Variants in MYH11 observed in about 807,000 individuals in gnomAD.
MYH11 encodes myosin heavy chain 11, also known as myosin-11.
Under a neutral mutation model 246.6 loss-of-function variants are expected in MYH11, and 80 were observed. That is an observed-to-expected ratio of 0.32 (90% confidence interval 0.27 to 0.39). The LOEUF is 0.39. MYH11 is among the 10% of genes least tolerant of loss of function. MYH11 has a pLI of 1.00. For missense variants in MYH11, 2,158 were observed against 2,546.8 expected (o/e 0.85, Z 3.29); for synonymous variants, 1,071 against 1,015.5 (o/e 1.05, Z -1.04).
At chr16:15,846,628 C>T (rs2044196994) in intron 1 of MYH11, among the ~76,000 whole-genome samples, 2 of 152,062 alleles carry the variant, frequency 1.3e-5, no homozygotes, top group Admixed American at 6.6e-5. Flanking sequence ...ATGGGAGGAC[C>T]ACTTGAGCCC....
At chr16:15,797,489 AT>A (rs1158532427) in intron 4 of MYH11, among the ~76,000 whole-genome samples, 2 of 150,892 alleles carry the variant, frequency 1.3e-5, no homozygotes, top group Admixed American at 1.3e-4. Context: ...GCTATATTTT[AT>A]TTAAATAACC....
At chr16:15,826,756 C>A (rs966298998) in intron 2 of MYH11, among the ~76,000 whole-genome samples, 3 of 151,670 alleles carry the variant, frequency 2.0e-5, no homozygotes, top group Non-Finnish European at 2.9e-5. Context: ...CTTTGGGAGA[C>A]CAAGGAGGGC....
intron 4 of MYH11, among the ~76,000 whole-genome samples, chr16:15,789,516 G>A (rs748365622): frequency 2.4e-4 from 36 of 152,284 alleles, no homozygotes; most frequent in Non-Finnish European, 3.5e-4. Flanking sequence ...GGATTTGAAC[G>A]TAGGTCCACT....
chr16:15,821,477 C>G (rs2043408463), intron 3 of MYH11, among the ~76,000 whole-genome samples: 1 of 152,130 alleles, frequency 6.6e-6, no homozygotes, highest in Non-Finnish European at 1.5e-5. Context: ...ATATTAAAGA[C>G]TTTTTCAAGT....
chr16:15,769,038 C>T (rs7198308), intron 9 of MYH11, among the ~76,000 whole-genome samples: 33,283 of 151,972 alleles, frequency 0.22, 3,891 homozygotes, highest in East Asian at 0.39. Flanking sequence ...CCAGGCCAGG[C>T]ACGGTGGCTC....
intron 8 of MYH11, among the ~76,000 whole-genome samples, chr16:15,774,688 C>T (rs533767480): frequency 6.6e-6 from 1 of 152,336 alleles, no homozygotes; most frequent in South Asian, 2.1e-4. Flanking sequence ...CTTCTAGGTT[C>T]AAGTGATTCT....
In MYH11 at chr16:15,801,971, C is replaced by A. The variant is rs529579486; in HGVS notation, c.503-3284G>T. Among the ~76,000 whole-genome samples the A allele has an allele frequency of 5.9e-4, 89 of 151,568 alleles. 2 individuals carry two copies. In the South Asian group the frequency reaches 0.017, roughly 30 times the overall value. ...GACTCCAAAAACAAAACAAAACAAA[C>A]AAAAAAAACCAACAAACAGGCCTGA... is the stretch of plus-strand genomic sequence containing the variant. On this transcript the variant is annotated intron_variant, in intron 3 of 40. Coordinates refer to ENST00000300036, the MANE Select transcript of MYH11 (RefSeq NM_002474.3).
chr16:15,832,219 G>A (rs2043759577), intron 2 of MYH11, among the ~76,000 whole-genome samples: 1 of 152,118 alleles, frequency 6.6e-6, no homozygotes, highest in South Asian at 2.1e-4. Context: ...AACCAGAACT[G>A]GAAAAATGTC....
At chr16:15,796,507 G>T (rs2042745626) in intron 4 of MYH11, among the ~76,000 whole-genome samples, 1 of 152,170 alleles carries the variant, frequency 6.6e-6, no homozygotes, top group Non-Finnish European at 1.5e-5. Flanking sequence ...TCACTCAACA[G>T]AGGGCAGTTG....
At chr16:15,757,793 G>A (rs775734014) in intron 13 of MYH11, 34 bp downstream of exon 13, 2 of 1,613,916 alleles carry the variant, frequency 1.2e-6, no homozygotes, top group African/African-American at 1.3e-5. Context: ...TGTACAAGGT[G>A]TGACGGAGCC....
chr16:15,839,514 G>A (rs991758602), intron 1 of MYH11, among the ~76,000 whole-genome samples: 4 of 151,584 alleles, frequency 2.6e-5, no homozygotes, highest in South Asian at 2.1e-4. Context: ...GCAACATGGT[G>A]AGACCCCTGT....
At chr16:15,709,096 C>A (rs371432873) in intron 40 of MYH11, among the ~76,000 whole-genome samples, 1 of 151,294 alleles carries the variant, frequency 6.6e-6, no homozygotes, top group Admixed American at 6.6e-5. Context: ...GCAGGCCCCA[C>A]GTGCTTGGCT....
At chr16:15,727,177 C>T (rs1047237285) in intron 27 of MYH11, 123 bp from the exon 28 acceptor site, 19 of 817,864 alleles carry the variant, frequency 2.3e-5, no homozygotes, top group Non-Finnish European at 3.9e-5. Context: ...ACACAATCAC[C>T]AGTAAGAGAT....
rs1338186559 is a variant in MYH11 at position 15,705,925 on chromosome 16, C to T, written c.5787-1802G>A. Among the ~76,000 whole-genome samples the T allele has an allele frequency of 2.2e-5, 3 of 135,322 alleles. No homozygotes were observed. The South Asian group carries it at 7.0e-4, about 32-fold the overall frequency. The allele number at this position is 135,322 out of a possible 152,430, so 88.8% of individuals were successfully genotyped here. On this transcript the variant is annotated intron_variant, in intron 40 of 40. Coordinates refer to ENST00000300036, the MANE Select transcript of MYH11 (RefSeq NM_002474.3). ...ACATGAACCCAGGAGGCGGAGCTTGCAGTGAGCCGAGATGTGGCCACTGCA... is the reference window on the plus strand; with the variant it reads ...ACATGAACCCAGGAGGCGGAGCTTGTAGTGAGCCGAGATGTGGCCACTGCA...
intron 8 of MYH11, among the ~76,000 whole-genome samples, chr16:15,772,692 G>A (rs866779538): frequency 2.0e-5 from 3 of 152,088 alleles, no homozygotes; most frequent in Non-Finnish European, 2.9e-5. Context: ...GACCAGTACC[G>A]GTCCATGTTA....
chr16:15,814,436 C>A (rs552575138), intron 3 of MYH11, among the ~76,000 whole-genome samples: 2 of 151,082 alleles, frequency 1.3e-5, no homozygotes, highest in Non-Finnish European at 2.9e-5. Flanking sequence ...GCCTGTAATC[C>A]CAGCTACTTG....
At chr16:15,722,001 G>A (rs1291848921) in intron 31 of MYH11, among the ~76,000 whole-genome samples, 1 of 152,074 alleles carries the variant, frequency 6.6e-6, no homozygotes, top group Non-Finnish European at 1.5e-5. Context: ...GGGATTACAG[G>A]TGCCCACCAC....
At chr16:15,747,310 G>A (rs1404630289) in intron 19 of MYH11, among the ~76,000 whole-genome samples, 1 of 152,160 alleles carries the variant, frequency 6.6e-6, no homozygotes, top group Admixed American at 6.5e-5. Flanking sequence ...CAGAGAGGTA[G>A]AGTAACTTGC....
At chr16:15,731,117 G>T (rs1315906580) in intron 27 of MYH11, among the ~76,000 whole-genome samples, 1 of 152,230 alleles carries the variant, frequency 6.6e-6, no homozygotes, top group Non-Finnish European at 1.5e-5. Flanking sequence ...GAGCCGCCAT[G>T]CCTGGCCTTC....
Sources: gnomAD v4.1 joint callset for allele counts (sites outside exome capture counted in the v4.1 genomes callset) on GRCh38, gnomAD v4.1.1 for gene constraint, MANE v1.5 for transcripts, NCBI Gene and HGNC (gene_info 2026-07-23, HGNC 2026-07-21) for gene names.